The following SPON1 variants were observed in gnomAD, a reference collection of about 807,000 sequenced individuals.
SPON1 encodes spondin-1.
In SPON1, 52 loss-of-function variants were observed where a neutral mutation model predicts 111.7. The observed-to-expected ratio is 0.47, with a 90% CI of 0.37 to 0.59. SPON1 has a LOEUF of 0.59. Ranked by LOEUF, SPON1 falls within the 20% of genes least tolerant of loss-of-function variation. The pLI is 0.00. For synonymous variants in SPON1, 410 were observed against 395.8 expected (o/e 1.04, Z -0.43); for missense variants, 957 against 1,068.5 (o/e 0.90, Z 1.46).
chr11:14,221,556 G>C (rs1848681041), intron 6 of SPON1, among the ~76,000 whole-genome samples: 1 of 150,330 alleles, frequency 6.7e-6, no homozygotes, highest in Admixed American at 6.6e-5. Flanking sequence ...AAGCAAGACA[G>C]CTGCCACGGC....
chr11:14,081,863 A>G (rs1848964996), intron 5 of SPON1, among the ~76,000 whole-genome samples: 1 of 152,062 alleles, frequency 6.6e-6, no homozygotes, highest in Non-Finnish European at 1.5e-5. Flanking sequence ...ACAAATCAAG[A>G]GCTCTATTGT....
intron 6 of SPON1, among the ~76,000 whole-genome samples, chr11:14,162,050 C>T (rs1039293207): frequency 1.3e-4 from 20 of 150,572 alleles, no homozygotes; most frequent in South Asian, 4.2e-4. Flanking sequence ...CCCAGCTACT[C>T]GGGAGGCTGA....
At chr11:14,140,191 C>T (rs968028841) in intron 6 of SPON1, among the ~76,000 whole-genome samples, 2 of 152,184 alleles carry the variant, frequency 1.3e-5, no homozygotes, top group African/African-American at 4.8e-5. Flanking sequence ...CTTTTCCAAT[C>T]CACGTCTGCT....
intron 6 of SPON1, among the ~76,000 whole-genome samples, chr11:14,227,663 AT>A (rs1279573152): frequency 2.0e-5 from 3 of 152,280 alleles, no homozygotes; most frequent in African/African-American, 7.2e-5. Context: ...CTTTGAAATC[AT>A]TCTACATTTA....
At chr11:14,086,755 A>C (rs184570735) in intron 5 of SPON1, among the ~76,000 whole-genome samples, 49 of 152,276 alleles carry the variant, frequency 3.2e-4, no homozygotes, top group Non-Finnish European at 6.2e-4. Context: ...GGCAGAATTC[A>C]GCTGTGAATC....
intron 5 of SPON1, among the ~76,000 whole-genome samples, chr11:14,081,995 T>C (rs1039123109): frequency 1.3e-5 from 2 of 152,132 alleles, no homozygotes; most frequent in East Asian, 1.9e-4. Context: ...GCGAAGAAAC[T>C]TGGACTCTCT....
intron 5 of SPON1, among the ~76,000 whole-genome samples, chr11:14,122,924 G>A (rs547225152): frequency 7.9e-4 from 114 of 144,320 alleles, no homozygotes; most frequent in African/African-American, 2.8e-3. Context: ...CCTTTATACT[G>A]CTCTTGTAAT....
chr11:14,153,964 TC>T (rs1421928890), intron 6 of SPON1, among the ~76,000 whole-genome samples: 1 of 152,168 alleles, frequency 6.6e-6, no homozygotes, highest in Non-Finnish European at 1.5e-5. Context: ...CAAAATAATC[TC>T]CTTAGACTCC....
chr11:14,110,370 C>G (rs1376528319), intron 5 of SPON1, among the ~76,000 whole-genome samples: 1 of 152,130 alleles, frequency 6.6e-6, no homozygotes, highest in African/African-American at 2.4e-5. Context: ...AAACAATTGC[C>G]TAATTGGACT....
At chr11:14,035,433 A>G (rs183182149) in intron 2 of SPON1, among the ~76,000 whole-genome samples, 2 of 152,252 alleles carry the variant, frequency 1.3e-5, no homozygotes, top group African/African-American at 4.8e-5. Flanking sequence ...TCATCAAGAG[A>G]AAGTGCTGAA....
intron 2 of SPON1, among the ~76,000 whole-genome samples, chr11:14,003,064 G>T (rs894920170): frequency 4.9e-4 from 74 of 152,074 alleles, no homozygotes; most frequent in African/African-American, 1.8e-3. Flanking sequence ...AATGGCCTCC[G>T]CGTTGTCCGT....
intron 2 of SPON1, among the ~76,000 whole-genome samples, chr11:14,003,725 T>C (rs1473776580): frequency 6.6e-6 from 1 of 152,142 alleles, no homozygotes; most frequent in African/African-American, 2.4e-5. Context: ...ATGATATATA[T>C]ATAGATAGTA....
chr11:13,992,411 A>G (rs1320949858), intron 2 of SPON1, among the ~76,000 whole-genome samples: 2 of 151,962 alleles, frequency 1.3e-5, no homozygotes, highest in African/African-American at 4.8e-5. Context: ...TTCCTCCACC[A>G]AGCTCGAGCG....
At chr11:13,966,294 T>G (rs1848015728) in intron 1 of SPON1, among the ~76,000 whole-genome samples, 1 of 152,142 alleles carries the variant, frequency 6.6e-6, no homozygotes, top group Non-Finnish European at 1.5e-5. Flanking sequence ...AAAAGGAGAT[T>G]ACAGTGATTA....
chr11:14,057,023 A>C (rs904350382), intron 3 of SPON1, among the ~76,000 whole-genome samples: 2 of 152,152 alleles, frequency 1.3e-5, no homozygotes, highest in African/African-American at 4.8e-5. Context: ...ATAAAATGGA[A>C]ATAAACTAAA....
chr11:14,101,175 G>A (rs1055004919), intron 5 of SPON1, among the ~76,000 whole-genome samples: 5 of 152,002 alleles, frequency 3.3e-5, no homozygotes, highest in East Asian at 1.9e-4. Flanking sequence ...TGAGGTGGGC[G>A]GATCACCCAA....
At chr11:14,238,722 TA>T (rs1848892431) in intron 6 of SPON1, among the ~76,000 whole-genome samples, 1 of 152,220 alleles carries the variant, frequency 6.6e-6, no homozygotes, top group African/African-American at 2.4e-5. Flanking sequence ...TCCCATTTGG[TA>T]CCAGTAACTG....
intron 6 of SPON1, among the ~76,000 whole-genome samples, chr11:14,161,101 T>TCTATATATA (rs1208488358): frequency 3.9e-4 from 3 of 7,730 alleles, no homozygotes; most frequent in Non-Finnish European, 4.9e-4. Flanking sequence ...TATCTATATA[T>TCTATATATA]TTTATATATA....
chr11:14,063,823 C>T (rs148034302), intron 3 of SPON1, among the ~76,000 whole-genome samples: 116 of 152,352 alleles, frequency 7.6e-4, no homozygotes, highest in Non-Finnish European at 1.3e-3. Flanking sequence ...TGAGTTCAGC[C>T]TCCGTGGTTC....
Sources: gnomAD v4.1 joint callset for allele counts (sites outside exome capture counted in the v4.1 genomes callset) on GRCh38, gnomAD v4.1.1 for gene constraint, MANE v1.5 for transcripts, NCBI Gene and HGNC (gene_info 2026-07-23, HGNC 2026-07-21) for gene names.